Variants in WSCD2 observed in about 807,000 individuals in gnomAD.
The protein encoded by WSCD2 is WSC domain sialate O sulfotransferase 2.
A neutral mutation model predicts 55.7 loss-of-function variants in WSCD2; 28 were observed. That is an observed-to-expected ratio of 0.50 (90% CI 0.37 to 0.69). The LOEUF (loss-of-function observed/expected upper bound fraction) is 0.69, where lower values mean the gene tolerates loss of function less well. Among genes scored for constraint, WSCD2 ranks in the 30% least tolerant of loss-of-function variants. The probability of loss-of-function intolerance (pLI) is 0.00; values close to 1 mark genes in which losing one functional copy is unlikely to be tolerated. For missense variants in WSCD2, 616 were observed against 762.1 expected (o/e 0.81, Z 2.26); for synonymous variants, 301 against 301.9 (o/e 1.00, Z 0.03).
chr12:108,144,322 C>G (rs573748372), intron 1 of WSCD2, among the ~76,000 whole-genome samples: 1 of 152,300 alleles, frequency 6.6e-6, no homozygotes, highest in South Asian at 2.1e-4. Flanking sequence ...ATGGGAGCAC[C>G]TGTCTTCCTC....
chr12:108,217,517 G>A (rs1041994501), intron 4 of WSCD2, among the ~76,000 whole-genome samples: 2 of 152,174 alleles, frequency 1.3e-5, no homozygotes. Context: ...GCCACCTGCA[G>A]AGAGAGATGG....
At chr12:108,150,774 G>C (rs1165993716) in intron 1 of WSCD2, among the ~76,000 whole-genome samples, 1 of 152,156 alleles carries the variant, frequency 6.6e-6, no homozygotes, top group Non-Finnish European at 1.5e-5. Flanking sequence ...AAGTCCAGGT[G>C]CCAAGCCCAG....
intron 1 of WSCD2, among the ~76,000 whole-genome samples, chr12:108,160,453 G>A (rs1592907407): frequency 6.6e-6 from 1 of 152,180 alleles, no homozygotes; most frequent in South Asian, 2.1e-4. Flanking sequence ...GAGGCCTCAG[G>A]AAACTTACAG....
chr12:108,163,277 G>C (rs939977709), intron 1 of WSCD2, among the ~76,000 whole-genome samples: 4 of 152,150 alleles, frequency 2.6e-5, no homozygotes, highest in East Asian at 1.9e-4. Context: ...GCTGAGGCTG[G>C]AGAATGGCAT....
intron 1 of WSCD2, among the ~76,000 whole-genome samples, chr12:108,187,750 G>A (rs1882687053): frequency 6.6e-6 from 1 of 152,166 alleles, no homozygotes; most frequent in Non-Finnish European, 1.5e-5. Flanking sequence ...ATGAGGCAGG[G>A]TGGATTGGCT....
intron 1 of WSCD2, among the ~76,000 whole-genome samples, chr12:108,132,650 G>T (rs1875716427): frequency 6.6e-6 from 1 of 152,220 alleles, no homozygotes; most frequent in South Asian, 2.1e-4. Flanking sequence ...GGGCTAAGCA[G>T]GTGTATGCCT....
chr12:108,211,725 C>G (rs1247896367), intron 4 of WSCD2, among the ~76,000 whole-genome samples: 1 of 150,518 alleles, frequency 6.6e-6, no homozygotes, highest in Non-Finnish European at 1.5e-5. Flanking sequence ...GTGATCTTGG[C>G]TCATTGCAAC....
intron 1 of WSCD2, among the ~76,000 whole-genome samples, chr12:108,168,009 A>G (rs1421921410): frequency 6.6e-6 from 1 of 152,212 alleles, no homozygotes; most frequent in Non-Finnish European, 1.5e-5. Context: ...TTTCAAATAA[A>G]TAACAAATTT....
At chr12:108,137,972 C>T (rs1371115199) in intron 1 of WSCD2, among the ~76,000 whole-genome samples, 1 of 152,170 alleles carries the variant, frequency 6.6e-6, no homozygotes, top group African/African-American at 2.4e-5. Context: ...TTAACAGCAG[C>T]CAATGGCTCC....
Position 108,210,042 on chromosome 12 carries a change from C to T in WSCD2, c.498-79C>T. On this transcript the variant is annotated intron_variant, in intron 3 of 8. Transcript: ENST00000547525. This position sits in a 1 kb window ranked among gnomAD's most constrained non-coding sequence, Gnocchi z 4.3. ...CCTGGTCCCCAGAGCCCTCCCATCC[C>T]CCAGGTCTCCATGTTGTGTCTCCCT... is the stretch of plus-strand genomic sequence containing the variant. 1 of 1,588,312 alleles carries T rather than the reference C, an allele frequency of 6.3e-7. No homozygotes were observed. Among genetic ancestry groups the T allele is most frequent in the South Asian group, 1.1e-5 (1 of 87,980 alleles).
intron 7 of WSCD2, among the ~76,000 whole-genome samples, chr12:108,239,919 C>T (rs1001566999): frequency 7.9e-5 from 12 of 152,182 alleles, no homozygotes; most frequent in African/African-American, 2.9e-4. Context: ...TGGGGTCTCA[C>T]TATGTTGCCC....
Position 108,210,317 on chromosome 12 carries a change from T to A in WSCD2, c.682+12T>A. ...GTCGGCCCGCAGGTGTACGTGAGTCTGCCCTGCCCCTCTCTGCTGCTCCTC... is the reference window on the plus strand; with the variant it reads ...GTCGGCCCGCAGGTGTACGTGAGTCAGCCCTGCCCCTCTCTGCTGCTCCTC... On this transcript the variant is annotated intron_variant, in intron 4 of 8. Transcript: ENST00000547525. The surrounding 1 kb of genome is among the most constrained non-coding windows in gnomAD (Gnocchi z 4.3). 3.8e-6 allele frequency: 6 copies of A among 1,558,746 alleles called. No individual in the cohort carries two copies. The highest frequency in any genetic ancestry group is 5.2e-6 in the Non-Finnish European group (6 of 1,156,122).
chr12:108,179,671 A>G (rs572716258), intron 1 of WSCD2, among the ~76,000 whole-genome samples: 3 of 152,328 alleles, frequency 2.0e-5, no homozygotes, highest in South Asian at 2.1e-4. Flanking sequence ...CAAGGAGTGC[A>G]TGTTGCCTCT....
intron 1 of WSCD2, among the ~76,000 whole-genome samples, chr12:108,161,278 C>A (rs558917666): frequency 1.3e-5 from 2 of 152,296 alleles, no homozygotes; most frequent in East Asian, 1.9e-4. Context: ...TGTTTAAGTT[C>A]TAACCTCCAG....
intron 1 of WSCD2, among the ~76,000 whole-genome samples, chr12:108,146,335 G>A (rs1353964861): frequency 1.3e-5 from 2 of 152,158 alleles, no homozygotes; most frequent in Admixed American, 1.3e-4. Context: ...GTGTGGGTGC[G>A]CCCCACTCTG....
chr12:108,219,100 G>T lies in WSCD2; in HGVS notation c.683-5639G>T, dbSNP rs76677501. On this transcript the variant is annotated intron_variant, in intron 4 of 8. Coordinates refer to ENST00000547525, the MANE Select transcript of WSCD2 (RefSeq NM_014653.4). ...AGCCTCATCCTCTACTAGAAGAGGA[G>T]CCCTCTTCTCAGCCAGCTGGTTGCC... 3.8e-3 allele frequency among the ~76,000 whole-genome samples: 578 copies of T among 152,298 alleles called. 4 individuals are homozygous for T. The highest frequency in any genetic ancestry group is 0.013 in the African/African-American group (550 of 41,570).
intron 1 of WSCD2, chr12:108,167,335 G>A (rs1879770950): frequency 1.3e-5 from 2 of 152,126 alleles, no homozygotes; most frequent in Non-Finnish European, 2.9e-5. Context: ...AACTTACTCT[G>A]CCTCTTGGAC....
chr12:108,201,519 T>TG (rs34937873), intron 2 of WSCD2, among the ~76,000 whole-genome samples: 36,644 of 127,756 alleles, frequency 0.29, 5,100 homozygotes, highest in East Asian at 0.54. Flanking sequence ...GGGGTGTGGG[T>TG]GGGGGGCGGG....
intron 1 of WSCD2, among the ~76,000 whole-genome samples, chr12:108,154,096 C>T (rs1565920738): frequency 1.3e-5 from 2 of 151,944 alleles, no homozygotes; most frequent in Non-Finnish European, 2.9e-5. Context: ...AAGGTCAGGG[C>T]CCCCTGAGTG....
Sources: gnomAD v4.1 joint callset for allele counts (sites outside exome capture counted in the v4.1 genomes callset) on GRCh38, gnomAD v4.1.1 for gene constraint, Gnocchi (gnomAD v3.1) non-coding constraint, MANE v1.5 for transcripts, NCBI Gene and HGNC (gene_info 2026-07-23, HGNC 2026-07-21) for gene names.